SPATA31H1: variants seen among roughly 807,000 people sequenced by gnomAD.
SPATA31H1 encodes spermatogenesis-associated protein 31H1.
the SPATA31H1 span, chr2:27,579,504 T>G: frequency 6.2e-7 from 1 of 1,614,232 alleles, no homozygotes; most frequent in Non-Finnish European, 8.5e-7. Flanking sequence ...CTTAAGGATA[T>G]GGACACGTGG....
chr2:27,551,216 A>C, the SPATA31H1 span, among the ~76,000 whole-genome samples: 1 of 151,794 alleles, frequency 6.6e-6, no homozygotes, highest in Non-Finnish European at 1.5e-5. Context: ...TATTGGATTA[A>C]CTTTGCTGAT....
the SPATA31H1 span, among the ~76,000 whole-genome samples, chr2:27,564,205 T>C: frequency 3.9e-5 from 6 of 152,190 alleles, no homozygotes; most frequent in African/African-American, 1.4e-4. Flanking sequence ...GAGAAGGTGT[T>C]TTTTGTTTTT....
the SPATA31H1 span, chr2:27,574,984 C>G: frequency 2.5e-6 from 1 of 398,476 alleles, no homozygotes. Context: ...TCTGAATTGA[C>G]TGTAGGTACA....
chr2:27,549,207 T>G, the SPATA31H1 span, among the ~76,000 whole-genome samples: 4 of 152,062 alleles, frequency 2.6e-5, no homozygotes, highest in South Asian at 8.3e-4. Flanking sequence ...AATGGGGAAG[T>G]TGGATCTAAG....
At chr2:27,545,677 T>C in the SPATA31H1 span, among the ~76,000 whole-genome samples, 2 of 151,048 alleles carry the variant, frequency 1.3e-5, no homozygotes, top group Non-Finnish European at 2.9e-5. Flanking sequence ...TGAGATCAAG[T>C]GATTCTCCTG....
chr2:27,567,510 G>A, the SPATA31H1 span: 63 of 411,080 alleles, frequency 1.5e-4, no homozygotes, highest in Admixed American at 2.1e-3. Context: ...GAATGCTGGA[G>A]TGGGATCTGG....
At chr2:27,544,749 G>A in the SPATA31H1 span, among the ~76,000 whole-genome samples, 1 of 151,720 alleles carries the variant, frequency 6.6e-6, no homozygotes, top group African/African-American at 2.4e-5. Flanking sequence ...TGGCCAGGCT[G>A]GTTGGTCAGG....
chr2:27,578,832 T>C, the SPATA31H1 span: 13 of 1,614,018 alleles, frequency 8.1e-6, no homozygotes, highest in Admixed American at 8.3e-5. Context: ...AGGAGGACTT[T>C]GGGATTCTGG....
chr2:27,566,522 C>G, the SPATA31H1 span: 2 of 623,048 alleles, frequency 3.2e-6, no homozygotes, highest in Admixed American at 5.6e-5. Flanking sequence ...TGGGTTCAAA[C>G]TGGTGGAAGG....
chr2:27,581,676 C>T, the SPATA31H1 span: 4 of 1,613,240 alleles, frequency 2.5e-6, no homozygotes, highest in African/African-American at 5.4e-5. Flanking sequence ...TCAGAGGAGC[C>T]ATCGTGGTCC....
At chr2:27,578,561 C>T in the SPATA31H1 span, 1 of 1,613,894 alleles carries the variant, frequency 6.2e-7, no homozygotes, top group Non-Finnish European at 8.5e-7. Flanking sequence ...CAGAATTAAC[C>T]TCACCGCAAA....
the SPATA31H1 span, chr2:27,579,680 A>G: frequency 6.2e-7 from 1 of 1,614,122 alleles, no homozygotes; most frequent in East Asian, 2.2e-5. Flanking sequence ...CCCTCAGCAT[A>G]TTTTACGATA....
At chr2:27,568,478 T>G in the SPATA31H1 span, 1 of 398,976 alleles carries the variant, frequency 2.5e-6, no homozygotes, top group East Asian at 3.6e-5. Context: ...TGAAAGGAAT[T>G]CCAGTGGCAC....
the SPATA31H1 span, among the ~76,000 whole-genome samples, chr2:27,544,691 T>C: frequency 6.6e-6 from 1 of 151,740 alleles, no homozygotes; most frequent in Admixed American, 6.6e-5. Flanking sequence ...CATGCCACCA[T>C]GCCTGGCTAA....
chr2:27,539,494 GAA>G, the SPATA31H1 span, among the ~76,000 whole-genome samples: 2 of 121,318 alleles, frequency 1.6e-5, no homozygotes, highest in African/African-American at 6.9e-5. Context: ...AGAACAAAAT[GAA>G]AAGTCTCCCA....
chr2:27,579,711 G>C, the SPATA31H1 span: 1 of 1,614,126 alleles, frequency 6.2e-7, no homozygotes, highest in Non-Finnish European at 8.5e-7. Flanking sequence ...TGTTCCAATG[G>C]AAGAAAGTGA....
the SPATA31H1 span, chr2:27,579,618 C>T: frequency 1.2e-6 from 2 of 1,614,054 alleles, no homozygotes; most frequent in South Asian, 1.1e-5. Context: ...TCAACATATG[C>T]CTGTCTCATG....
chr2:27,579,330 G>C, the SPATA31H1 span: 149 of 1,614,096 alleles, frequency 9.2e-5, no homozygotes, highest in Non-Finnish European at 1.2e-4. Flanking sequence ...AGCCACTGCA[G>C]ATACCTGTCA....
At chr2:27,547,399 T>C in the SPATA31H1 span, among the ~76,000 whole-genome samples, 1 of 152,026 alleles carries the variant, frequency 6.6e-6, no homozygotes, top group Non-Finnish European at 1.5e-5. Flanking sequence ...AGTCTTGAAC[T>C]CTTGACCTCA....
Sources: allele counts gnomAD v4.1 joint callset (sites outside exome capture counted in the v4.1 genomes callset), GRCh38; gene constraint gnomAD v4.1.1; transcripts MANE v1.5; gene names NCBI Gene and HGNC (gene_info 2026-07-23, HGNC 2026-07-21).